Variants in DGKB observed in about 807,000 individuals in gnomAD.
DGKB encodes diacylglycerol kinase beta.
Under a neutral mutation model 114.3 loss-of-function variants are expected in DGKB, and 67 were observed. The observed-to-expected ratio is 0.59, with a 90% CI of 0.48 to 0.72. The LOEUF is 0.72. Ranked by LOEUF, DGKB falls within the 30% of genes least tolerant of loss-of-function variation. The pLI, the probability that DGKB is intolerant of heterozygous loss-of-function variation, is 0.00. For missense variants in DGKB, 907 were observed against 975.2 expected, an observed-to-expected ratio of 0.93 and a Z score of 0.93; for synonymous variants, 398 against 323.1, an observed-to-expected ratio of 1.23 and a Z score of -2.49.
chr7:14,517,448 A>C (rs1010549754), intron 20 of DGKB, among the ~76,000 whole-genome samples: 15 of 152,124 alleles, frequency 9.9e-5, no homozygotes, highest in South Asian at 2.1e-4. Context: ...AGAAAAAAAA[A>C]ACCCAAAAAT....
At chr7:14,781,365 T>C (rs561421536) in intron 2 of DGKB, among the ~76,000 whole-genome samples, 4 of 152,216 alleles carry the variant, frequency 2.6e-5, no homozygotes, top group Non-Finnish European at 5.9e-5. Flanking sequence ...TAGTATTCTT[T>C]ACACCAGCTG....
chr7:14,736,189 T>C lies in DGKB; in HGVS notation c.174A>G (p.Ile58Met), dbSNP rs1417650795. Residue 58 changes from isoleucine (I) to methionine (M), a missense_variant, in exon 5 of 26, where the codon ATA becomes ATG. Ile to Met is a conservative substitution (Grantham distance 10). Transcript: ENST00000402815. ...EGKQDILNQT[I>M]DFEGFKLFMK... is the part of the protein sequence containing the mutation. Reference sequence around the variant, plus strand: ...TGAATAGTTTGAAACCTTCAAAATCTATTGTCTGGAAAAAAAAAATGTAAA... The same window carrying C: ...TGAATAGTTTGAAACCTTCAAAATCCATTGTCTGGAAAAAAAAAATGTAAA... The C allele has an allele frequency of 2.0e-6, 3 of 1,500,412 alleles. No individual in the cohort carries two copies. The highest frequency in any genetic ancestry group is 2.9e-5 in the African/African-American group (2 of 69,056). The allele number at this position is 1,500,412 out of a possible 1,614,324, so 92.9% of individuals were successfully genotyped here.
intron 21 of DGKB, among the ~76,000 whole-genome samples, chr7:14,445,192 A>T (rs2128821544): frequency 6.6e-6 from 1 of 151,820 alleles, no homozygotes; most frequent in African/African-American, 2.4e-5. Context: ...GCTCCTCACC[A>T]TAATGTATAG....
chr7:14,849,837 G>A (rs1849112814), intron 1 of DGKB, among the ~76,000 whole-genome samples: 1 of 152,174 alleles, frequency 6.6e-6, no homozygotes, highest in Non-Finnish European at 1.5e-5. Flanking sequence ...GAGGCACAGA[G>A]CCTCAAGACA....
At chr7:14,455,067 T>C (rs1444955174) in intron 21 of DGKB, among the ~76,000 whole-genome samples, 1 of 152,046 alleles carries the variant, frequency 6.6e-6, no homozygotes, top group East Asian at 1.9e-4. Flanking sequence ...GAACCCAATA[T>C]CACGTTTGAA....
chr7:14,805,030 T>C (rs578234006), intron 2 of DGKB, among the ~76,000 whole-genome samples: 204 of 152,264 alleles, frequency 1.3e-3, no homozygotes, highest in African/African-American at 4.5e-3. Context: ...TTAGTTATTG[T>C]GCTTTGATGT....
intron 21 of DGKB, among the ~76,000 whole-genome samples, chr7:14,462,536 A>C (rs966008394): frequency 4.6e-5 from 7 of 152,192 alleles, no homozygotes; most frequent in Admixed American, 3.3e-4. Context: ...TAGGAATACA[A>C]CTTACAAGGG....
At chr7:14,642,742 T>G (rs1036928543) in intron 13 of DGKB, among the ~76,000 whole-genome samples, 1 of 152,222 alleles carries the variant, frequency 6.6e-6, no homozygotes, top group Non-Finnish European at 1.5e-5. Flanking sequence ...TGGCACAAAC[T>G]TACTACATTT....
Position 14,480,820 on chromosome 7 carries a change from T to A in DGKB, c.1771-2595A>T, listed in dbSNP as rs1402112054. Among the ~76,000 whole-genome samples, 3 of 152,146 alleles carry A rather than the reference T, an allele frequency of 2.0e-5. No individual in the cohort carries two copies. The East Asian group carries it at 5.8e-4, about 29-fold the overall frequency. ...CCTTCAAAGTACCTTGGTGGAGATT[T>A]AATATCATTCTCTATAGCAATTGGA... On this transcript the variant is annotated intron_variant, in intron 20 of 25. Coordinates refer to ENST00000402815, the MANE Select transcript of DGKB (RefSeq NM_001350709.2).
In DGKB at chr7:14,149,091, A is replaced by G. The variant is rs1275709113; in HGVS notation, c.*40T>C. On this transcript the variant is annotated 3_prime_UTR_variant, in exon 26 of 26. Transcript: ENST00000402815. Reference sequence around the variant, plus strand: ...TCCAGCATATGTGTTCCATGGCCCAATTATGCTAATTCAATTTCTAAGAGT... The same window carrying G: ...TCCAGCATATGTGTTCCATGGCCCAGTTATGCTAATTCAATTTCTAAGAGT... 5 of 1,535,668 alleles carry G rather than the reference A, an allele frequency of 3.3e-6. No individual in the cohort carries two copies. In the African/African-American group the frequency reaches 4.1e-5, roughly 13 times the overall value.
At chr7:14,256,550 ATATTT>A (rs1306910272) in intron 23 of DGKB, among the ~76,000 whole-genome samples, 1 of 152,180 alleles carries the variant, frequency 6.6e-6, no homozygotes, top group African/African-American at 2.4e-5. Flanking sequence ...TTTATAAAAA[ATATTT>A]TAAGTGGGAA....
At chr7:14,730,041 G>C (rs1830687508) in intron 5 of DGKB, among the ~76,000 whole-genome samples, 1 of 152,166 alleles carries the variant, frequency 6.6e-6, no homozygotes, top group African/African-American at 2.4e-5. Flanking sequence ...CCTGCAACAA[G>C]TACCAGACAT....
chr7:14,567,451 A>ATATATAAT (rs1797710668), intron 20 of DGKB, among the ~76,000 whole-genome samples: 1 of 60,718 alleles, frequency 1.6e-5, no homozygotes, highest in African/African-American at 6.8e-5. Flanking sequence ...ATTATATATT[A>ATATATAAT]TATATAATTA....
chr7:14,170,153 GAA>G (rs1225298609), intron 25 of DGKB, among the ~76,000 whole-genome samples: 19 of 47,532 alleles, frequency 4.0e-4, no homozygotes, highest in African/African-American at 2.6e-3. Flanking sequence ...AAAAAAGAAA[GAA>G]AGAAAGAAAG....
intron 20 of DGKB, among the ~76,000 whole-genome samples, chr7:14,549,103 A>T (rs1198701654): frequency 6.6e-6 from 1 of 151,998 alleles, no homozygotes; most frequent in Non-Finnish European, 1.5e-5. Flanking sequence ...AAAGTGACAT[A>T]AAACCAGCAA....
At chr7:14,805,013 G>C (rs1239370855) in intron 2 of DGKB, among the ~76,000 whole-genome samples, 2 of 151,780 alleles carry the variant, frequency 1.3e-5, no homozygotes. Context: ...TCATTCAATT[G>C]GTTTTATTAG....
chr7:14,220,893 A>G (rs1417184062), intron 23 of DGKB, among the ~76,000 whole-genome samples: 1 of 151,242 alleles, frequency 6.6e-6, no homozygotes, highest in Non-Finnish European at 1.5e-5. Flanking sequence ...TTTGAATTTC[A>G]TTTGCTAAAT....
In DGKB at chr7:14,149,317, C is replaced by T. The variant is rs537165679; in HGVS notation, c.2305-79G>A. On this transcript the variant is annotated intron_variant, in intron 25 of 25. Coordinates refer to ENST00000402815, the MANE Select transcript of DGKB (RefSeq NM_001350709.2). ...ATACAATACCAATTTGTGAGACTCT[C>T]TGTTAAGGTTAATAATATTTCATGA... 5.0e-6 allele frequency: 5 copies of T among 996,488 alleles called. No homozygotes were observed. In the South Asian group the frequency reaches 7.5e-5, roughly 15 times the overall value. The allele number at this position is 996,488 out of a possible 1,614,324, so 61.7% of individuals were successfully genotyped here.
intron 15 of DGKB, 156 bp downstream of exon 15, chr7:14,621,222 C>A: frequency 1.8e-6 from 1 of 564,150 alleles, no homozygotes; most frequent in South Asian, 2.3e-5. Flanking sequence ...AACCGTAAGA[C>A]TGACATCTTG....
Sources: allele counts gnomAD v4.1 joint callset (sites outside exome capture counted in the v4.1 genomes callset), GRCh38; gene constraint gnomAD v4.1.1; transcripts MANE v1.5; gene names NCBI Gene and HGNC (gene_info 2026-07-23, HGNC 2026-07-21).